CASQ2: variants seen among roughly 807,000 people sequenced by gnomAD.
CASQ2 encodes calsequestrin 2, also known as calsequestrin-2.
In CASQ2, 49 loss-of-function variants were observed where a neutral mutation model predicts 46.5. That is an observed-to-expected ratio of 1.05 (90% confidence interval 0.84 to 1.34). CASQ2 has a LOEUF of 1.34. Among genes scored for constraint, CASQ2 ranks in the 40% most tolerant of loss-of-function variants. The pLI is 0.00. For synonymous variants in CASQ2, 174 were observed against 168.5 expected, an observed-to-expected ratio of 1.03 and a Z score of -0.25; for missense variants, 486 against 481.3, an observed-to-expected ratio of 1.01 and a Z score of -0.09.
intron 3 of CASQ2, among the ~76,000 whole-genome samples, chr1:115,739,359 C>CA (rs1179722643): frequency 5.5e-4 from 84 of 152,070 alleles, no homozygotes; most frequent in Non-Finnish European, 1.6e-4. Flanking sequence ...TTGTGATCAG[C>CA]CCACCTTGGC....
At chr1:115,746,780 A>G (rs529750464) in intron 1 of CASQ2, among the ~76,000 whole-genome samples, 3 of 152,112 alleles carry the variant, frequency 2.0e-5, no homozygotes, top group East Asian at 3.9e-4. Context: ...GTGTTATTTC[A>G]TCTTCTTTTT....
chr1:115,767,062 C>G (rs545093648), intron 1 of CASQ2, among the ~76,000 whole-genome samples: 2 of 152,196 alleles, frequency 1.3e-5, no homozygotes, highest in South Asian at 2.1e-4. Flanking sequence ...AATCCTTATG[C>G]CTTCAATTAA....
chr1:115,760,454 G>A (rs759949411), intron 1 of CASQ2, among the ~76,000 whole-genome samples: 3 of 152,156 alleles, frequency 2.0e-5, no homozygotes, highest in Non-Finnish European at 4.4e-5. Context: ...TCAAGCTGGA[G>A]TGCAGTATCT....
chr1:115,720,981 T>C (rs1350737391), intron 7 of CASQ2, among the ~76,000 whole-genome samples: 3 of 152,206 alleles, frequency 2.0e-5, no homozygotes, highest in African/African-American at 7.2e-5. Flanking sequence ...CAACAACATA[T>C]ATTACCACTT....
At chr1:115,729,900 A>C (rs1256295209) in intron 5 of CASQ2, among the ~76,000 whole-genome samples, 1 of 152,178 alleles carries the variant, frequency 6.6e-6, no homozygotes, top group Non-Finnish European at 1.5e-5. Context: ...TTTTCGTCTC[A>C]TTGTTCACTC....
chr1:115,702,105 T>G (rs1654223611), intron 10 of CASQ2, among the ~76,000 whole-genome samples: 1 of 152,070 alleles, frequency 6.6e-6, no homozygotes, highest in African/African-American at 2.4e-5. Context: ...GTATTTTTAG[T>G]AGAGATGGGG....
At chr1:115,707,269 A>T (rs1654395092) in intron 8 of CASQ2, among the ~76,000 whole-genome samples, 1 of 152,086 alleles carries the variant, frequency 6.6e-6, no homozygotes, top group South Asian at 2.1e-4. Context: ...GGCTCAAGTG[A>T]TCCTGCCTCA....
intron 7 of CASQ2, among the ~76,000 whole-genome samples, chr1:115,722,487 C>G (rs1366765607): frequency 2.6e-5 from 4 of 152,132 alleles, no homozygotes; most frequent in Non-Finnish European, 4.4e-5. Flanking sequence ...ACAGGCTCCC[C>G]ATCTACAGAA....
At chr1:115,722,825 A>G (rs1350939003) in intron 7 of CASQ2, among the ~76,000 whole-genome samples, 1 of 152,126 alleles carries the variant, frequency 6.6e-6, no homozygotes, top group African/African-American at 2.4e-5. Flanking sequence ...AGGAGGGAGG[A>G]TCACCTGAGG....
At position 115,738,215 on chromosome 1, in the gene CASQ2, A is replaced by C. The variant is rs1280215477; in HGVS notation, c.532+9T>G. The C allele has an allele frequency of 6.5e-7, 1 of 1,539,674 alleles. No homozygotes were observed. The highest frequency in any genetic ancestry group is 2.2e-5 in the East Asian group (1 of 44,570). ...TAGACTGATCGGCTGGGGTTGGCAG[A>C]CAACTTACATTCTGAGTCCTCACTC... On this transcript the variant is annotated intron_variant, in intron 4 of 10. Transcript: ENST00000261448.
chr1:115,742,523 C>A (rs1648222247), intron 2 of CASQ2, among the ~76,000 whole-genome samples: 1 of 152,174 alleles, frequency 6.6e-6, no homozygotes. Flanking sequence ...CCGGAAGGAA[C>A]CTACCCCAAC....
At chr1:115,707,891 G>A (rs952445555) in intron 8 of CASQ2, among the ~76,000 whole-genome samples, 10 of 152,214 alleles carry the variant, frequency 6.6e-5, no homozygotes, top group African/African-American at 1.9e-4. Flanking sequence ...AACTTGTGGT[G>A]CAAGAGACTG....
intron 4 of CASQ2, among the ~76,000 whole-genome samples, chr1:115,733,229 C>T (rs1380475526): frequency 2.0e-5 from 3 of 151,950 alleles, no homozygotes; most frequent in Non-Finnish European, 4.4e-5. Flanking sequence ...GTAGAAAGCA[C>T]GAAACAGAGG....
At chr1:115,742,568 G>C (rs7554488) in intron 2 of CASQ2, among the ~76,000 whole-genome samples, 108,115 of 152,024 alleles carry the variant, frequency 0.71, 42,159 homozygotes, top group Non-Finnish European at 0.88. Flanking sequence ...TGTATCAAGC[G>C]CCATCATATT....
chr1:115,732,442 G>T (rs1310729945), intron 5 of CASQ2, among the ~76,000 whole-genome samples: 1 of 152,106 alleles, frequency 6.6e-6, no homozygotes, highest in Admixed American at 6.6e-5. Flanking sequence ...TCCCTTCCCT[G>T]CTTCAGCTCA....
chr1:115,726,960 G>T, intron 6 of CASQ2, 32 bp downstream of exon 6: 2 of 654,058 alleles, frequency 3.1e-6, no homozygotes, highest in Non-Finnish European at 5.5e-6. Context: ...CCAGACCCCA[G>T]GCCCCCAGCC....
chr1:115,714,413 G>T (rs577880536), intron 8 of CASQ2, among the ~76,000 whole-genome samples: 2 of 152,138 alleles, frequency 1.3e-5, no homozygotes, highest in Non-Finnish European at 2.9e-5. Context: ...CATCATGCAC[G>T]TATTACAGAG....
chr1:115,752,002 C>T (rs1245873598), intron 1 of CASQ2, among the ~76,000 whole-genome samples: 1 of 152,220 alleles, frequency 6.6e-6, no homozygotes, highest in Non-Finnish European at 1.5e-5. Context: ...CAGCTGTGCT[C>T]TCAAGCCCTA....
intron 5 of CASQ2, among the ~76,000 whole-genome samples, chr1:115,728,643 G>T (rs1252772816): frequency 6.6e-6 from 1 of 152,178 alleles, no homozygotes; most frequent in Non-Finnish European, 1.5e-5. Flanking sequence ...CATATGGAGT[G>T]CTTATCACGT....
Sources: gnomAD v4.1 joint callset for allele counts (sites outside exome capture counted in the v4.1 genomes callset) on GRCh38, gnomAD v4.1.1 for gene constraint, MANE v1.5 for transcripts, NCBI Gene and HGNC (gene_info 2026-07-23, HGNC 2026-07-21) for gene names.